PACS2: variants seen among roughly 807,000 people sequenced by gnomAD.
PACS2 encodes the protein PACS1-like protein.
PACS2 carries 36 observed loss-of-function variants against 113.0 expected under a neutral mutation model. That is an observed-to-expected ratio of 0.32 (90% CI 0.24 to 0.42). The LOEUF is 0.42. Among genes scored for constraint, PACS2 ranks in the 10% least tolerant of loss-of-function variants. PACS2 has a pLI of 1.00. For missense variants in PACS2, 1,015 were observed against 1,239.5 expected (o/e 0.82, Z 2.72); for synonymous variants, 589 against 536.1 (o/e 1.10, Z -1.36).
chr14:105,330,581 C>T lies in PACS2; in HGVS notation c.119+15544C>T, dbSNP rs1310001492. ...GTGGCCGCTCTCTGGACCCCCGGTC[C>T]CAGGGTGGCAGCTAGTGCAGCCTAG... On this transcript the variant is annotated intron_variant, in intron 1 of 24. Transcript: ENST00000447393. The surrounding 1 kb of genome is among the most constrained non-coding windows in gnomAD (Gnocchi z 6.9). 6.6e-6 allele frequency among the ~76,000 whole-genome samples: 1 copy of T among 152,204 alleles called. No individual in the cohort carries two copies. The highest frequency in any genetic ancestry group is 2.4e-5 in the African/African-American group (1 of 41,452).
chr14:105,393,175 C>T lies in PACS2; in HGVS notation c.2483-47C>T. On this transcript the variant is annotated intron_variant, in intron 23 of 24. Coordinates refer to ENST00000447393, the MANE Select transcript of PACS2 (RefSeq NM_001100913.3). ...ACGTACCCCTGGCCCTGGCCCCAGCCCCGAAGGAGCAGCAAGATGACAGCA... is the reference window on the plus strand; with the variant it reads ...ACGTACCCCTGGCCCTGGCCCCAGCTCCGAAGGAGCAGCAAGATGACAGCA... 2.0e-6 allele frequency: 3 copies of T among 1,464,924 alleles called. No individual in the cohort carries two copies. In the Admixed American group the frequency reaches 5.0e-5, roughly 25 times the overall value. The allele number at this position is 1,464,924 out of a possible 1,614,324, so 90.7% of individuals were successfully genotyped here.
In PACS2 at chr14:105,393,257, G is replaced by T. The variant is rs782583159; in HGVS notation, c.2518G>T (p.Val840Leu). The change falls in exon 24 of 25, where the codon GTG becomes TTG. Residue 840 changes from valine (V) to leucine (L), a missense_variant. Val to Leu is a conservative substitution (Grantham distance 32). Coordinates refer to ENST00000447393, the MANE Select transcript of PACS2 (RefSeq NM_001100913.3). ...FLPKKAKDKD[V>L]ESKSQCIEGI... ...GCCCAAGAAAGCGAAGGACAAGGAC[G>T]TGGAGTCTAAGAGCCAGTGCATTGA... 118 of 1,612,874 alleles carry T rather than the reference G, an allele frequency of 7.3e-5. No individual in the cohort carries two copies. The Middle Eastern group carries it at 8.2e-4, about 11-fold the overall frequency.
intron 1 of PACS2, among the ~76,000 whole-genome samples, chr14:105,345,520 A>G (rs115225747): frequency 1.3e-4 from 20 of 152,334 alleles, no homozygotes; most frequent in African/African-American, 4.8e-4. Flanking sequence ...TGCACCTGGC[A>G]GATTGACGTG....
rs2060532260 is a variant in PACS2, at chr14:105,358,272, A to G, written c.423+3095A>G. Among the ~76,000 whole-genome samples the G allele has an allele frequency of 6.6e-6, 1 of 152,202 alleles. No homozygotes were observed. The highest frequency in any genetic ancestry group is 6.5e-5 in the Admixed American group (1 of 15,286). ...CCGGCGTGGGGTGGCTTAGGTCTGCAGGCTGACCAGCAGTTCTGGCTGGGA... is the reference window on the plus strand; with the variant it reads ...CCGGCGTGGGGTGGCTTAGGTCTGCGGGCTGACCAGCAGTTCTGGCTGGGA... On this transcript the variant is annotated intron_variant, in intron 4 of 24. Transcript: ENST00000447393. The surrounding 1 kb of genome is among the most constrained non-coding windows in gnomAD (Gnocchi z 4.9).
chr14:105,355,083 A>G lies in PACS2; in HGVS notation c.329A>G (p.Lys110Arg), dbSNP rs1224079453. The G allele has an allele frequency of 6.2e-7, 1 of 1,613,648 alleles. No homozygotes were observed. Among genetic ancestry groups the G allele is most frequent in the Non-Finnish European group, 8.5e-7 (1 of 1,179,896 alleles). The stretch of plus-strand genomic sequence containing the variant: ...CACTTCTTGAAGAGGGAAGGCAACA[A>G]GCTTCAGATCATGCTGCAGCGCAGA... ...YPHFLKREGNKLQIMLQRRKR... is the reference protein window; with the variant it reads ...YPHFLKREGNRLQIMLQRRKR... Residue 110 changes from lysine (K) to arginine (R), a missense_variant, in exon 4 of 25, where the codon AAG becomes AGG. Physicochemically the swap from Lys to Arg is conservative, Grantham distance 26 (BLOSUM62 2). This residue lies in a region of PACS2 where 140 missense variants were observed against 135.1 expected (regional missense o/e 1.04). Coordinates refer to ENST00000447393, the MANE Select transcript of PACS2 (RefSeq NM_001100913.3). The surrounding 1 kb of genome is among the most constrained non-coding windows in gnomAD (Gnocchi z 4.1).
In PACS2 at chr14:105,372,987, A is replaced by T. The variant is rs188684056; in HGVS notation, c.801+3087A>T. 1.9e-3 allele frequency: 292 copies of T among 152,364 alleles called. 1 individual carries two copies. The highest frequency in any genetic ancestry group is 6.8e-3 in the African/African-American group (283 of 41,588). The allele number at this position is 152,364 out of a possible 1,614,324, so 9.4% of individuals were successfully genotyped here. On this transcript the variant is annotated intron_variant, in intron 8 of 24. Transcript: ENST00000447393. ...AAGATTTGTATCCAATAGATATATT[A>T]AAAACTTTCAAAACCCAATAAGAAA...
intron 8 of PACS2, chr14:105,374,546 C>T (rs1487367972): frequency 1.3e-5 from 2 of 152,342 alleles, no homozygotes; most frequent in South Asian, 4.1e-4. Flanking sequence ...GAGCTGGGGC[C>T]CGCCCACTCC....
In PACS2 at chr14:105,360,050, C is replaced by T. The variant is rs1322241590; in HGVS notation, c.423+4873C>T. On this transcript the variant is annotated intron_variant, in intron 4 of 24. Coordinates refer to ENST00000447393, the MANE Select transcript of PACS2 (RefSeq NM_001100913.3). ...CTGTGGCCTAGGAGCAGGAGGCTGT[C>T]TCTCATATAGGCTGACCTTGAAGAT... is the stretch of plus-strand genomic sequence containing the variant. Among the ~76,000 whole-genome samples, 6 of 152,194 alleles carry T rather than the reference C, an allele frequency of 3.9e-5. No individual in the cohort carries two copies. The East Asian group carries it at 1.2e-3, about 29-fold the overall frequency.
At chr14:105,342,093 A>G (rs1402847931) in intron 1 of PACS2, among the ~76,000 whole-genome samples, 1 of 152,136 alleles carries the variant, frequency 6.6e-6, no homozygotes, top group Non-Finnish European at 1.5e-5. Context: ...GAGGAAGGGA[A>G]ATCTTGCAGT....
chr14:105,319,907 C>T (rs1595559945), intron 1 of PACS2, among the ~76,000 whole-genome samples: 1 of 152,166 alleles, frequency 6.6e-6, no homozygotes, highest in East Asian at 1.9e-4. Context: ...TAATCAAGTA[C>T]TTTCATTAAG....
chr14:105,322,187 T>C (rs2058921208), intron 1 of PACS2, among the ~76,000 whole-genome samples: 1 of 150,378 alleles, frequency 6.6e-6, no homozygotes, highest in African/African-American at 2.4e-5. Context: ...CCGCCCGCCT[T>C]GGCCTCCCAA....
At chr14:105,316,233 A>AT (rs35669521) in intron 1 of PACS2, among the ~76,000 whole-genome samples, 6,242 of 152,330 alleles carry the variant, frequency 0.041, 474 homozygotes, top group African/African-American at 0.14. Flanking sequence ...CCCAGTGTCC[A>AT]TATGAGACCT....
upstream of PACS2, among the ~76,000 whole-genome samples, chr14:105,314,140 A>G (rs890719422): frequency 9.9e-5 from 15 of 151,548 alleles, no homozygotes; most frequent in Admixed American, 8.5e-4. Flanking sequence ...AGGCCCGGCC[A>G]CCTCCTTGCC....
chr14:105,382,482 C>T lies in PACS2; in HGVS notation c.1419C>T (p.Pro473=), dbSNP rs1555412302. 4 of 1,598,984 alleles carry T rather than the reference C, an allele frequency of 2.5e-6. No individual in the cohort carries two copies. Among genetic ancestry groups the T allele is most frequent in the South Asian group, 1.1e-5 (1 of 90,772 alleles). ...RSQLQVQLQI[P]RKTVYDQLNH... is the part of the protein sequence containing the mutation. ...ACAGGGCTCTGTGCCTCCAGATCCC[C>T]AGGAAGACTGTGTATGACCAGCTCA... The change falls in exon 14 of 25, where the codon CCC becomes CCT. Residue 473 remains proline, a synonymous_variant. Coordinates refer to ENST00000447393, the MANE Select transcript of PACS2 (RefSeq NM_001100913.3).
intron 18 of PACS2, among the ~76,000 whole-genome samples, chr14:105,385,300 G>T (rs1391915819): frequency 1.3e-5 from 2 of 152,224 alleles, no homozygotes. Context: ...CCTCCAGTCT[G>T]GGCACCTGTT....
chr14:105,369,927 G>A (rs782300647), intron 8 of PACS2, 27 bp downstream of exon 8: 14 of 1,583,978 alleles, frequency 8.8e-6, no homozygotes, highest in Admixed American at 1.7e-5. Flanking sequence ...TTCTGCTCGC[G>A]GCCCCCACGC....
chr14:105,342,906 G>A (rs958850722), intron 1 of PACS2, among the ~76,000 whole-genome samples: 1 of 149,014 alleles, frequency 6.7e-6, no homozygotes. Context: ...CTGCACTCCA[G>A]CCTGGGTGAC....
At chr14:105,325,397 C>T (rs778561631) in intron 1 of PACS2, among the ~76,000 whole-genome samples, 6 of 152,168 alleles carry the variant, frequency 3.9e-5, no homozygotes, top group African/African-American at 7.2e-5. Flanking sequence ...CACAACCTTT[C>T]GGGCCAACAT....
Position 105,381,021 on chromosome 14 carries a change from C to A in PACS2, c.1190C>A (p.Thr397Asn). ...PEDSPEAEAS[T>N]LDVFTERLPP... ...GACAGCCCCGAGGCTGAGGCCTCCA[C>A]CCTGGATGTGTTCACGGAGAGGCTG... Residue 397 changes from threonine (T) to asparagine (N), a missense_variant, in exon 12 of 25, where the codon ACC (threonine) becomes AAC (asparagine). Coordinates refer to ENST00000447393, the MANE Select transcript of PACS2 (RefSeq NM_001100913.3). 1 of 1,612,496 alleles carries A rather than the reference C, an allele frequency of 6.2e-7. No homozygotes were observed.
Sources: allele counts gnomAD v4.1 joint callset (sites outside exome capture counted in the v4.1 genomes callset), GRCh38; gene constraint gnomAD v4.1.1; regional missense constraint gnomAD v4.1.1; non-coding constraint Gnocchi (gnomAD v3.1); transcripts MANE v1.5; gene names NCBI Gene and HGNC (gene_info 2026-07-23, HGNC 2026-07-21).